PLCB1: variants seen among roughly 807,000 people sequenced by gnomAD.
PLCB1 encodes phospholipase C beta 1, also known as 1-phosphatidylinositol 4,5-bisphosphate phosphodiesterase beta-1.
In PLCB1, 46 loss-of-function variants were observed where a neutral mutation model predicts 161.8. That is an observed-to-expected ratio of 0.28 (90% CI 0.22 to 0.36). The LOEUF (loss-of-function observed/expected upper bound fraction) is 0.36, where lower values mean the gene tolerates loss of function less well. Ranked by LOEUF, PLCB1 falls within the 10% of genes least tolerant of loss-of-function variation. The pLI is 1.00. For synonymous variants in PLCB1, 517 were observed against 503.7 expected, an observed-to-expected ratio of 1.03 and a Z score of -0.35; for missense variants, 1,016 against 1,472.5, an observed-to-expected ratio of 0.69 and a Z score of 5.07.
intron 3 of PLCB1, among the ~76,000 whole-genome samples, chr20:8,457,714 G>GCGCACACACACACACACACACACACA (rs1555808428): frequency 1.4e-5 from 2 of 145,864 alleles, no homozygotes; most frequent in East Asian, 4.3e-4. Context: ...ATGTGTGCGC[G>GCGCACACACACACACACACACACACA]CACACACACA....
chr20:8,655,395 C>A (rs888564881), intron 7 of PLCB1, among the ~76,000 whole-genome samples: 1 of 152,096 alleles, frequency 6.6e-6, no homozygotes, highest in Admixed American at 6.6e-5. Context: ...GACACATATC[C>A]TAGCTCGTGT....
At chr20:8,297,801 CATA>C (rs1393231644) in intron 2 of PLCB1, among the ~76,000 whole-genome samples, 1 of 151,952 alleles carries the variant, frequency 6.6e-6, no homozygotes, top group East Asian at 1.9e-4. Flanking sequence ...ATTCTGCCTG[CATA>C]ATATGTGCAG....
intron 3 of PLCB1, among the ~76,000 whole-genome samples, chr20:8,479,878 A>G (rs954257096): frequency 1.3e-5 from 2 of 152,256 alleles, no homozygotes; most frequent in African/African-American, 4.8e-5. Flanking sequence ...GTAGCATAAC[A>G]CAAATCTATA....
chr20:8,791,105 A>G (rs374521135), intron 31 of PLCB1, among the ~76,000 whole-genome samples: 6 of 152,238 alleles, frequency 3.9e-5, no homozygotes, highest in African/African-American at 1.2e-4. Context: ...TAGATTTCTT[A>G]TGGATAATTC....
chr20:8,660,294 TATC>T (rs1989586391), intron 9 of PLCB1, among the ~76,000 whole-genome samples: 2 of 152,090 alleles, frequency 1.3e-5, no homozygotes, highest in Non-Finnish European at 2.9e-5. Context: ...GATTTCCCCT[TATC>T]ATGAAGCAGG....
At chr20:8,681,614 C>T (rs992504770) in intron 9 of PLCB1, among the ~76,000 whole-genome samples, 3 of 152,136 alleles carry the variant, frequency 2.0e-5, no homozygotes, top group East Asian at 1.9e-4. Context: ...GTTTTCCATA[C>T]CCTGTGACTC....
At chr20:8,303,636 C>T (rs1568624318) in intron 2 of PLCB1, among the ~76,000 whole-genome samples, 1 of 152,154 alleles carries the variant, frequency 6.6e-6, no homozygotes. Flanking sequence ...TTTGAAATGG[C>T]TTTTTATGTC....
intron 27 of PLCB1, among the ~76,000 whole-genome samples, chr20:8,781,449 A>C (rs545812806): frequency 3.4e-4 from 46 of 133,762 alleles, no homozygotes; most frequent in Middle Eastern, 3.8e-3. Context: ...CACACACACA[A>C]AGATCCAAAT....
intron 31 of PLCB1, among the ~76,000 whole-genome samples, chr20:8,851,766 G>T (rs983097517): frequency 2.7e-5 from 4 of 148,970 alleles, no homozygotes; most frequent in Non-Finnish European, 5.9e-5. Flanking sequence ...TCATCATTTA[G>T]GAGACTCACA....
chr20:8,440,937 G>A (rs923517079), intron 3 of PLCB1, among the ~76,000 whole-genome samples: 1 of 151,912 alleles, frequency 6.6e-6, no homozygotes, highest in African/African-American at 2.4e-5. Flanking sequence ...CAATTATTAT[G>A]TGTCAATTTA....
chr20:8,151,655 T>C (rs1298858395), intron 2 of PLCB1, among the ~76,000 whole-genome samples: 1 of 152,204 alleles, frequency 6.6e-6, no homozygotes, highest in Non-Finnish European at 1.5e-5. Context: ...AACAATGGCT[T>C]GCAAGAGGTT....
At chr20:8,321,874 G>T (rs1984936749) in intron 2 of PLCB1, among the ~76,000 whole-genome samples, 1 of 152,144 alleles carries the variant, frequency 6.6e-6, no homozygotes, top group Non-Finnish European at 1.5e-5. Context: ...TATACTGCTA[G>T]CATCTTGTTA....
intron 2 of PLCB1, among the ~76,000 whole-genome samples, chr20:8,339,398 T>C (rs1489208601): frequency 6.6e-6 from 1 of 152,058 alleles, no homozygotes; most frequent in Non-Finnish European, 1.5e-5. Flanking sequence ...CAGGAGGCAA[T>C]GGAATTATGG....
chr20:8,807,243 TATC>T (rs1984583080), intron 31 of PLCB1, among the ~76,000 whole-genome samples: 1 of 152,148 alleles, frequency 6.6e-6, no homozygotes, highest in South Asian at 2.1e-4. Flanking sequence ...GTTGCATAAA[TATC>T]ATGCTGAAAG....
chr20:8,510,022 G>A (rs1983814347), intron 3 of PLCB1, among the ~76,000 whole-genome samples: 1 of 152,160 alleles, frequency 6.6e-6, no homozygotes, highest in African/African-American at 2.4e-5. Flanking sequence ...TTCTGGCAGT[G>A]ATTATAATTT....
Position 8,865,586 on chromosome 20 carries a change from A to G in PLCB1, c.3424-16036A>G, listed in dbSNP as rs376613883. Among the ~76,000 whole-genome samples the G allele has an allele frequency of 1.2e-4, 18 of 152,316 alleles. No individual in the cohort carries two copies. In the East Asian group the frequency reaches 1.9e-3, roughly 16 times the overall value. On this transcript the variant is annotated intron_variant, in intron 31 of 31. Coordinates refer to ENST00000338037, the MANE Select transcript of PLCB1 (RefSeq NM_015192.4). ...TTTCTTTTTTGTACAATAGTCCAAC[A>G]TAAGAGTTTCCAGTTGATGAACAGT... is the stretch of plus-strand genomic sequence containing the variant.
chr20:8,699,869 A>T (rs1474794017), intron 11 of PLCB1, among the ~76,000 whole-genome samples: 1 of 152,256 alleles, frequency 6.6e-6, no homozygotes, highest in East Asian at 1.9e-4. Context: ...ACAAAGTTTA[A>T]TACAGGGTTG....
At chr20:8,400,369 A>G (rs1978497024) in intron 3 of PLCB1, among the ~76,000 whole-genome samples, 1 of 152,212 alleles carries the variant, frequency 6.6e-6, no homozygotes, top group Non-Finnish European at 1.5e-5. Flanking sequence ...CTTGCCATTT[A>G]TGACCTTTGG....
At chr20:8,205,536 A>T (rs949611558) in intron 2 of PLCB1, among the ~76,000 whole-genome samples, 49 of 152,280 alleles carry the variant, frequency 3.2e-4, no homozygotes, top group Admixed American at 3.2e-3. Flanking sequence ...CAGAAGGGGA[A>T]ACAATAGTTT....
Sources: allele counts gnomAD v4.1 joint callset (sites outside exome capture counted in the v4.1 genomes callset), GRCh38; gene constraint gnomAD v4.1.1; transcripts MANE v1.5; gene names NCBI Gene and HGNC (gene_info 2026-07-23, HGNC 2026-07-21).